The following RTN1 variants were observed in gnomAD, a reference collection of about 807,000 sequenced individuals.
The protein encoded by RTN1 is reticulon 1.
A neutral mutation model predicts 65.5 loss-of-function variants in RTN1; 25 were observed. The observed-to-expected ratio is 0.38, with a 90% CI of 0.28 to 0.53. The LOEUF is 0.53. Ranked by LOEUF, RTN1 falls within the 20% of genes least tolerant of loss-of-function variation. The pLI is 0.79. For synonymous variants in RTN1, 471 were observed against 447.6 expected, an observed-to-expected ratio of 1.05 and a Z score of -0.66; for missense variants, 983 against 1,025.4, an observed-to-expected ratio of 0.96 and a Z score of 0.57.
At chr14:59,827,321 G>A (rs559643785) in intron 1 of RTN1, among the ~76,000 whole-genome samples, 21 of 152,202 alleles carry the variant, frequency 1.4e-4, no homozygotes, top group Middle Eastern at 3.4e-3. Flanking sequence ...CTCGTGATCC[G>A]CCGGCCTCGG....
Position 59,849,603 on chromosome 14 carries a change from C to A in RTN1, c.241+20787G>T, listed in dbSNP as rs901310361. 6.6e-6 allele frequency among the ~76,000 whole-genome samples: 1 copy of A among 152,164 alleles called. No homozygotes were observed. The highest frequency in any genetic ancestry group is 1.5e-5 in the Non-Finnish European group (1 of 68,036). ...ACTCAGCCCACTGATTGATTTCATT[C>A]AGCTGGGGGTGAGAAAGCTTTGGGT... is the stretch of plus-strand genomic sequence containing the variant. On this transcript the variant is annotated intron_variant, in intron 1 of 8. Coordinates refer to ENST00000267484, the MANE Select transcript of RTN1 (RefSeq NM_021136.3). The surrounding 1 kb of genome is among the most constrained non-coding windows in gnomAD (Gnocchi z 4.5).
intron 3 of RTN1, among the ~76,000 whole-genome samples, chr14:59,613,593 C>T (rs10148644): frequency 0.16 from 24,822 of 152,052 alleles, 3,330 homozygotes; most frequent in African/African-American, 0.37. Flanking sequence ...CCACCGCGCC[C>T]GGCCTATAGA....
At chr14:59,718,632 C>A (rs1013690532) in intron 3 of RTN1, among the ~76,000 whole-genome samples, 1 of 152,146 alleles carries the variant, frequency 6.6e-6, no homozygotes, top group African/African-American at 2.4e-5. Flanking sequence ...AAACCCGTTG[C>A]TTGGCCAGGA....
At chr14:59,804,492 G>A (rs758590126) in intron 1 of RTN1, among the ~76,000 whole-genome samples, 2 of 152,072 alleles carry the variant, frequency 1.3e-5, no homozygotes, top group South Asian at 2.1e-4. Flanking sequence ...TGAATCTATC[G>A]ATATTTTTAA....
intron 3 of RTN1, among the ~76,000 whole-genome samples, chr14:59,628,128 A>G (rs1882449645): frequency 6.6e-6 from 1 of 152,108 alleles, no homozygotes; most frequent in Admixed American, 6.6e-5. Flanking sequence ...TGAGGCCAGG[A>G]GTTTGATACC....
intron 1 of RTN1, among the ~76,000 whole-genome samples, chr14:59,845,654 C>T (rs1488499399): frequency 6.6e-6 from 1 of 152,144 alleles, no homozygotes; most frequent in African/African-American, 2.4e-5. Flanking sequence ...TCTAAAGTTC[C>T]TACTATGGCC....
chr14:59,603,470 A>T (rs148335136), intron 6 of RTN1, among the ~76,000 whole-genome samples: 1 of 150,674 alleles, frequency 6.6e-6, no homozygotes, highest in African/African-American at 2.4e-5. Context: ...AATGATGCTG[A>T]GCCCTGTACA....
intron 1 of RTN1, among the ~76,000 whole-genome samples, chr14:59,797,396 G>T (rs1220501408): frequency 6.6e-6 from 1 of 152,142 alleles, no homozygotes; most frequent in Non-Finnish European, 1.5e-5. Context: ...GTCAAAGTGG[G>T]GAACCAGTGG....
chr14:59,640,605 G>C (rs954400249), intron 3 of RTN1, among the ~76,000 whole-genome samples: 1 of 152,224 alleles, frequency 6.6e-6, no homozygotes, highest in East Asian at 1.9e-4. Flanking sequence ...GTGAGCCACC[G>C]TGCCTGGCCT....
intron 3 of RTN1, among the ~76,000 whole-genome samples, chr14:59,664,907 C>T (rs1883334109): frequency 6.6e-6 from 1 of 152,128 alleles, no homozygotes; most frequent in Non-Finnish European, 1.5e-5. Flanking sequence ...ATTATAGAAA[C>T]TATCCAACTT....
At chr14:59,771,557 A>T (rs1027148059) in intron 1 of RTN1, among the ~76,000 whole-genome samples, 9 of 152,208 alleles carry the variant, frequency 5.9e-5, no homozygotes, top group Non-Finnish European at 1.5e-5. Flanking sequence ...CCTCATACAC[A>T]TGGCAATGTG....
chr14:59,853,420 C>G (rs1366027295), intron 1 of RTN1, among the ~76,000 whole-genome samples: 2 of 152,144 alleles, frequency 1.3e-5, no homozygotes, highest in African/African-American at 4.8e-5. Context: ...ATGCCCAGAC[C>G]CTATGCCACT....
intron 3 of RTN1, among the ~76,000 whole-genome samples, chr14:59,671,674 T>C (rs950062679): frequency 6.6e-6 from 1 of 152,202 alleles, no homozygotes; most frequent in African/African-American, 2.4e-5. Flanking sequence ...CTTTACCACC[T>C]ACTGACACTT....
chr14:59,652,149 G>A (rs978869842), intron 3 of RTN1, among the ~76,000 whole-genome samples: 7 of 152,172 alleles, frequency 4.6e-5, no homozygotes, highest in Non-Finnish European at 4.4e-5. Flanking sequence ...ACACCAGTCA[G>A]AATGACTATT....
At chr14:59,820,181 T>C (rs932051515) in intron 1 of RTN1, among the ~76,000 whole-genome samples, 7 of 152,172 alleles carry the variant, frequency 4.6e-5, no homozygotes, top group African/African-American at 1.7e-4. Context: ...GTTGGCCACA[T>C]GTATGTCTTC....
At chr14:59,853,801 T>G (rs987890761) in intron 1 of RTN1, among the ~76,000 whole-genome samples, 1 of 151,952 alleles carries the variant, frequency 6.6e-6, no homozygotes, top group African/African-American at 2.4e-5. Flanking sequence ...TCCCATTCTA[T>G]CCATACAGTT....
At chr14:59,621,078 A>G (rs1156984956) in intron 3 of RTN1, among the ~76,000 whole-genome samples, 3 of 152,312 alleles carry the variant, frequency 2.0e-5, no homozygotes, top group Admixed American at 6.5e-5. Flanking sequence ...GTAAATGCCA[A>G]TTTTTCACAT....
intron 1 of RTN1, 65 bp from the exon 2 acceptor site, chr14:59,746,546 C>A (rs1486820128): frequency 1.5e-6 from 2 of 1,341,090 alleles, no homozygotes; most frequent in Non-Finnish European, 2.0e-6. Context: ...TCTTGTCTAA[C>A]CCACCACCCA....
chr14:59,800,233 T>C (rs1886515382), intron 1 of RTN1, among the ~76,000 whole-genome samples: 1 of 152,212 alleles, frequency 6.6e-6, no homozygotes, highest in African/African-American at 2.4e-5. Flanking sequence ...CCCAGCCTAA[T>C]TCAACCAGAC....
Sources: allele counts gnomAD v4.1 joint callset (sites outside exome capture counted in the v4.1 genomes callset), GRCh38; gene constraint gnomAD v4.1.1; non-coding constraint Gnocchi (gnomAD v3.1); transcripts MANE v1.5; gene names NCBI Gene and HGNC (gene_info 2026-07-23, HGNC 2026-07-21).